Variants in ROBO2 observed in about 807,000 individuals in gnomAD.
ROBO2 encodes the protein roundabout guidance receptor 2.
Under a neutral mutation model 160.8 loss-of-function variants are expected in ROBO2, and 53 were observed. That is an observed-to-expected ratio of 0.33 (90% CI 0.26 to 0.41). The LOEUF (loss-of-function observed/expected upper bound fraction) is 0.41. ROBO2 is among the 10% of genes least tolerant of loss of function. The pLI is 1.00. For synonymous variants in ROBO2, 664 were observed against 611.7 expected (o/e 1.09, Z -1.26); for missense variants, 1,577 against 1,722.4 (o/e 0.92, Z 1.49).
At chr3:76,276,684 A>G (rs1477232553) in intron 2 of ROBO2, among the ~76,000 whole-genome samples, 3 of 152,024 alleles carry the variant, frequency 2.0e-5, no homozygotes, top group Non-Finnish European at 4.4e-5. Context: ...AGGCTTACCA[A>G]TGAGATTTAA....
At chr3:76,095,749 GACACACACACACACACAC>G (rs59290141) in intron 2 of ROBO2, among the ~76,000 whole-genome samples, 31 of 148,050 alleles carry the variant, frequency 2.1e-4, no homozygotes, top group African/African-American at 5.2e-4. Context: ...TAGTATGCTT[GACACACACACACACACAC>G]ACACACACAC....
chr3:77,054,371 T>C (rs1196751250), intron 1 of ROBO2, among the ~76,000 whole-genome samples: 2 of 152,176 alleles, frequency 1.3e-5, no homozygotes. Flanking sequence ...ACAACTTGTA[T>C]GCAGAAACCT....
chr3:76,001,928 C>G (rs925629337), intron 2 of ROBO2, among the ~76,000 whole-genome samples: 3 of 152,136 alleles, frequency 2.0e-5, no homozygotes, highest in Non-Finnish European at 4.4e-5. Flanking sequence ...TTTCTCTTAG[C>G]ACTTTGAAGA....
intron 2 of ROBO2, among the ~76,000 whole-genome samples, chr3:76,639,722 A>T (rs543688256): frequency 6.6e-6 from 1 of 152,160 alleles, no homozygotes; most frequent in Admixed American, 6.5e-5. Context: ...CGAATACATG[A>T]TGCTCTTCCG....
intron 2 of ROBO2, among the ~76,000 whole-genome samples, chr3:76,880,620 T>G (rs1394409581): frequency 6.6e-6 from 1 of 152,152 alleles, no homozygotes; most frequent in Non-Finnish European, 1.5e-5. Context: ...TTCTAGGAAT[T>G]TAGACATGAT....
intron 2 of ROBO2, among the ~76,000 whole-genome samples, chr3:76,263,734 A>C (rs990110420): frequency 2.0e-5 from 3 of 152,174 alleles, no homozygotes; most frequent in Admixed American, 6.5e-5. Flanking sequence ...TACCCAAAGG[A>C]TTATAAATCA....
At chr3:75,961,993 A>C (rs1180418324) in intron 2 of ROBO2, among the ~76,000 whole-genome samples, 1 of 151,450 alleles carries the variant, frequency 6.6e-6, no homozygotes, top group Non-Finnish European at 1.5e-5. Flanking sequence ...CAAATATTCC[A>C]AACAATGACC....
At chr3:77,398,415 ACAAT>A (rs2075483850) in intron 2 of ROBO2, among the ~76,000 whole-genome samples, 1 of 152,086 alleles carries the variant, frequency 6.6e-6, no homozygotes, top group Non-Finnish European at 1.5e-5. Context: ...TCAGAGAGAT[ACAAT>A]CAGAGAGAAA....
intron 2 of ROBO2, among the ~76,000 whole-genome samples, chr3:76,567,763 CTGTG>C (rs71101900): frequency 0.012 from 1,018 of 88,310 alleles, 7 homozygotes; most frequent in South Asian, 0.043. Context: ...ATATATCTGT[CTGTG>C]TGTGTGTGTG....
intron 2 of ROBO2, among the ~76,000 whole-genome samples, chr3:76,749,118 A>T (rs979238996): frequency 3.9e-5 from 6 of 152,026 alleles, no homozygotes; most frequent in African/African-American, 1.4e-4. Context: ...TGTAAAAATT[A>T]TATATAGATT....
intron 2 of ROBO2, among the ~76,000 whole-genome samples, chr3:76,353,830 C>A (rs2075013168): frequency 6.6e-6 from 1 of 151,786 alleles, no homozygotes; most frequent in Non-Finnish European, 1.5e-5. Context: ...CACCTAAATT[C>A]TTTCTTTTAG....
intron 2 of ROBO2, among the ~76,000 whole-genome samples, chr3:76,106,372 A>G (rs774703607): frequency 1.3e-5 from 2 of 152,210 alleles, no homozygotes; most frequent in Non-Finnish European, 2.9e-5. Flanking sequence ...ATATACACAT[A>G]TAGGTTGATA....
chr3:76,031,315 C>A (rs2107709527), intron 2 of ROBO2, among the ~76,000 whole-genome samples: 1 of 152,248 alleles, frequency 6.6e-6, no homozygotes. Context: ...CAAACAGGGA[C>A]AATTTGAATT....
chr3:75,986,926 C>T (rs1559807412), intron 2 of ROBO2, among the ~76,000 whole-genome samples: 1 of 151,576 alleles, frequency 6.6e-6, no homozygotes, highest in Non-Finnish European at 1.5e-5. Flanking sequence ...CTTCATTGGC[C>T]TATAAGTCTG....
At chr3:77,273,054 A>C (rs561001067) in intron 2 of ROBO2, among the ~76,000 whole-genome samples, 1 of 152,266 alleles carries the variant, frequency 6.6e-6, no homozygotes, top group East Asian at 1.9e-4. Context: ...GAATGATCCC[A>C]TTACTCAGGT....
rs371823753 is a variant in ROBO2 at position 76,239,064 on chromosome 3, T to C, written c.109+301462T>C. Among the ~76,000 whole-genome samples the C allele has an allele frequency of 1.8e-4, 27 of 152,324 alleles. No individual in the cohort carries two copies. In the South Asian group the frequency reaches 2.5e-3, roughly 14 times the overall value. ...TTTCAGTACTGACTCCTTCCTGATA[T>C]TTACATTAATCTATGTTTTAACAAG... is the stretch of plus-strand genomic sequence containing the variant. On this transcript the variant is annotated intron_variant, in intron 2 of 26. Transcript: ENST00000487694.
At chr3:77,360,261 C>A (rs192816620) in intron 2 of ROBO2, among the ~76,000 whole-genome samples, 9 of 151,148 alleles carry the variant, frequency 6.0e-5, no homozygotes, top group African/African-American at 1.5e-4. Context: ...AACCCCCCCC[C>A]CAAATTTAGA....
At chr3:77,098,629 C>T (rs1018254713) in intron 2 of ROBO2, among the ~76,000 whole-genome samples, 11 of 151,980 alleles carry the variant, frequency 7.2e-5, no homozygotes, top group African/African-American at 2.7e-4. Context: ...GGGCGGATCA[C>T]GAGGTCAGGA....
At chr3:76,857,690 C>T (rs920757353) in intron 2 of ROBO2, among the ~76,000 whole-genome samples, 2 of 152,116 alleles carry the variant, frequency 1.3e-5, no homozygotes, top group Non-Finnish European at 2.9e-5. Context: ...ACACACATCC[C>T]CTTCCAGCAT....
Sources: gnomAD v4.1 joint callset for allele counts (sites outside exome capture counted in the v4.1 genomes callset) on GRCh38, gnomAD v4.1.1 for gene constraint, MANE v1.5 for transcripts, NCBI Gene and HGNC (gene_info 2026-07-23, HGNC 2026-07-21) for gene names.